The following ARL8B variants were observed in gnomAD, a reference collection of about 807,000 sequenced individuals.
The protein encoded by ARL8B is ARF like GTPase 8B, also known as ADP-ribosylation factor-like protein 8B.
A neutral mutation model predicts 30.6 loss-of-function variants in ARL8B; 9 were observed. The observed-to-expected ratio is 0.29, with a 90% confidence interval of 0.18 to 0.51. ARL8B has a LOEUF of 0.51. ARL8B is among the 20% of genes least tolerant of loss of function. ARL8B has a pLI of 0.97. For missense variants in ARL8B, 130 were observed against 227.2 expected (o/e 0.57, Z 2.75); for synonymous variants, 74 against 76.0 (o/e 0.97, Z 0.14).
At chr3:5,158,275 G>A (rs988069503) in intron 1 of ARL8B, among the ~76,000 whole-genome samples, 1 of 152,090 alleles carries the variant, frequency 6.6e-6, no homozygotes, top group African/African-American at 2.4e-5. Flanking sequence ...TGAGCCACGC[G>A]CCCAGCCTGG....
rs762878947 is a variant in ARL8B, at chr3:5,174,339, C to T, written c.441-5C>T. On this transcript the variant is annotated splice_polypyrimidine_tract_variant and splice_region_variant and intron_variant, in intron 5 of 6. Coordinates refer to ENST00000256496, the MANE Select transcript of ARL8B (RefSeq NM_018184.3). The stretch of plus-strand genomic sequence containing the variant: ...ACAGACTTATCCTTTTAATTCTTCT[C>T]ATAGGAATCTGTCTGCTATTCAGGA... 61 of 1,590,224 alleles carry T rather than the reference C, an allele frequency of 3.8e-5. No homozygotes were observed. Among genetic ancestry groups the T allele is most frequent in the Admixed American group, 6.7e-5 (4 of 59,908 alleles).
intron 1 of ARL8B, among the ~76,000 whole-genome samples, chr3:5,154,148 C>T (rs1400413617): frequency 6.6e-6 from 1 of 151,844 alleles, no homozygotes; most frequent in Non-Finnish European, 1.5e-5. Context: ...TACTTCTTGA[C>T]TGTAATTTTG....
chr3:5,123,844 T>C (rs1038720970), intron 1 of ARL8B, among the ~76,000 whole-genome samples: 3 of 152,300 alleles, frequency 2.0e-5, no homozygotes, highest in Admixed American at 2.0e-4. Flanking sequence ...TTTACCTGCT[T>C]GTTGTTCGGC....
chr3:5,157,418 G>C (rs2054542807), intron 1 of ARL8B, among the ~76,000 whole-genome samples: 1 of 152,126 alleles, frequency 6.6e-6, no homozygotes, highest in East Asian at 1.9e-4. Context: ...TGAGGCTCCT[G>C]CCTTTCCCTC....
At chr3:5,176,751 T>C (rs979147080) in intron 6 of ARL8B, among the ~76,000 whole-genome samples, 1 of 152,230 alleles carries the variant, frequency 6.6e-6, no homozygotes, top group Non-Finnish European at 1.5e-5. Flanking sequence ...TTTAAAAGTT[T>C]TTTCTCTATG....
At chr3:5,159,529 G>A (rs1201980553) in intron 1 of ARL8B, among the ~76,000 whole-genome samples, 2 of 149,194 alleles carry the variant, frequency 1.3e-5, no homozygotes, top group East Asian at 4.0e-4. Flanking sequence ...TTGAACCTGG[G>A]AGGTGGAGTT....
intron 6 of ARL8B, among the ~76,000 whole-genome samples, chr3:5,176,799 C>T (rs182018314): frequency 5.0e-4 from 76 of 152,240 alleles, no homozygotes; most frequent in African/African-American, 1.8e-3. Flanking sequence ...AAGATATGCC[C>T]CATGAGAGCA....
chr3:5,145,134 C>T (rs532631183), intron 1 of ARL8B, among the ~76,000 whole-genome samples: 12 of 152,228 alleles, frequency 7.9e-5, no homozygotes, highest in Middle Eastern at 3.4e-3. Flanking sequence ...ACAGCCTTAT[C>T]CCATCATGTT....
chr3:5,139,470 C>A, intron 1 of ARL8B, among the ~76,000 whole-genome samples: 1 of 152,128 alleles, frequency 6.6e-6, no homozygotes, highest in East Asian at 1.9e-4. Context: ...GATGTTGTCA[C>A]CTGGCATTAT....
At chr3:5,149,885 A>G (rs1182551348) in intron 1 of ARL8B, among the ~76,000 whole-genome samples, 1 of 152,218 alleles carries the variant, frequency 6.6e-6, no homozygotes, top group African/African-American at 2.4e-5. Flanking sequence ...CACATGATAG[A>G]TGTTTTAGTC....
At chr3:5,153,013 G>A (rs892655898) in intron 1 of ARL8B, among the ~76,000 whole-genome samples, 8 of 152,112 alleles carry the variant, frequency 5.3e-5, no homozygotes, top group South Asian at 4.1e-4. Flanking sequence ...TGATTTCAGC[G>A]GAGTGTTTTT....
chr3:5,122,331 C>A lies in ARL8B; in HGVS notation c.-135C>A, dbSNP rs563298291. On this transcript the variant is annotated 5_prime_UTR_variant, in exon 1 of 7. Transcript: ENST00000256496. ...GCTTCCTGGGTCTGGCTGCTGCCGC[C>A]CGCCGGTGTCCGCCCGTGTCGCGCC... is the stretch of plus-strand genomic sequence containing the variant. The A allele has an allele frequency of 2.0e-6, 3 of 1,532,290 alleles. No individual in the cohort carries two copies. The highest frequency in any genetic ancestry group is 2.4e-5 in the South Asian group (2 of 83,662). 94.9% of individuals were successfully genotyped at this position (1,532,290 alleles called of 1,614,324 possible). A position where few individuals can be genotyped will look rare whatever the true frequency, so the allele number is the denominator to read the frequency against.
chr3:5,166,716 AC>A, intron 1 of ARL8B, among the ~76,000 whole-genome samples: 1 of 152,160 alleles, frequency 6.6e-6, no homozygotes, highest in Admixed American at 6.5e-5. Flanking sequence ...CCTGCTGTTA[AC>A]TTTGGTTGCT....
intron 1 of ARL8B, among the ~76,000 whole-genome samples, chr3:5,131,577 G>C (rs1242849392): frequency 1.3e-5 from 2 of 151,848 alleles, no homozygotes; most frequent in Non-Finnish European, 2.9e-5. Context: ...TTTTAGTAGA[G>C]ACAGGGTTTC....
intron 1 of ARL8B, among the ~76,000 whole-genome samples, chr3:5,163,805 G>A (rs1404816930): frequency 6.6e-6 from 1 of 152,216 alleles, no homozygotes; most frequent in Non-Finnish European, 1.5e-5. Flanking sequence ...GGGAGGCAGA[G>A]GTTGCAGTGA....
In ARL8B at chr3:5,139,330, A is replaced by G. The variant is rs114740028; in HGVS notation, c.123+16742A>G. 7.2e-3 allele frequency among the ~76,000 whole-genome samples: 1,099 copies of G among 152,322 alleles called. 8 individuals are homozygous for G. Among genetic ancestry groups the G allele is most frequent in the Non-Finnish European group, 0.013 (863 of 68,026 alleles). On this transcript the variant is annotated intron_variant, in intron 1 of 6. Coordinates refer to ENST00000256496, the MANE Select transcript of ARL8B (RefSeq NM_018184.3). ...ACATTTTCTTGCCTCTACTATGCCTAGGCTAGCAGTCTTTAAAGATAGTCT... is the reference window on the plus strand; with the variant it reads ...ACATTTTCTTGCCTCTACTATGCCTGGGCTAGCAGTCTTTAAAGATAGTCT...
At chr3:5,152,852 C>G (rs1044452628) in intron 1 of ARL8B, among the ~76,000 whole-genome samples, 1 of 152,186 alleles carries the variant, frequency 6.6e-6, no homozygotes, top group African/African-American at 2.4e-5. Flanking sequence ...TTGACAGTTT[C>G]TGTCTTTTCA....
intron 1 of ARL8B, among the ~76,000 whole-genome samples, chr3:5,169,638 C>A (rs1005411743): frequency 6.6e-6 from 1 of 151,664 alleles, no homozygotes; most frequent in African/African-American, 2.4e-5. Context: ...TTTGCATTTC[C>A]CTAATGATTA....
intron 1 of ARL8B, among the ~76,000 whole-genome samples, chr3:5,129,757 C>T (rs533534541): frequency 2.7e-4 from 41 of 152,240 alleles, no homozygotes; most frequent in Middle Eastern, 3.4e-3. Context: ...GTGGCTCACG[C>T]TTGTAATCTC....
Sources: gnomAD v4.1 joint callset for allele counts (sites outside exome capture counted in the v4.1 genomes callset) on GRCh38, gnomAD v4.1.1 for gene constraint, MANE v1.5 for transcripts, NCBI Gene and HGNC (gene_info 2026-07-23, HGNC 2026-07-21) for gene names.